CSMD1: variants seen among roughly 807,000 people sequenced by gnomAD.
CSMD1 encodes CUB and sushi domain-containing protein 1.
CSMD1 carries 213 observed loss-of-function variants against 417.5 expected under a neutral mutation model. The observed-to-expected ratio is 0.51, with a 90% CI of 0.46 to 0.57. The LOEUF is 0.57. Among genes scored for constraint, CSMD1 ranks in the 20% least tolerant of loss-of-function variants. The pLI is 0.00. For missense variants in CSMD1, 6,923 were observed against 4,529.7 expected, an observed-to-expected ratio of 1.53 and a Z score of -15.17; for synonymous variants, 2,862 against 1,736.8, an observed-to-expected ratio of 1.65 and a Z score of -16.11.
chr8:3,547,911 T>G (rs559102652), intron 10 of CSMD1, among the ~76,000 whole-genome samples: 4 of 152,308 alleles, frequency 2.6e-5, no homozygotes, highest in Admixed American at 1.3e-4. Flanking sequence ...AATTACTACA[T>G]GCACCATGCC....
chr8:3,366,462 T>G (rs1043602854), intron 20 of CSMD1, among the ~76,000 whole-genome samples: 8 of 152,332 alleles, frequency 5.3e-5, no homozygotes, highest in African/African-American at 1.9e-4. Flanking sequence ...TGCTGTAACA[T>G]AAACCTTATG....
chr8:4,855,886 A>G (rs1801770532), intron 1 of CSMD1, among the ~76,000 whole-genome samples: 1 of 150,440 alleles, frequency 6.6e-6, no homozygotes, highest in Non-Finnish European at 1.5e-5. Flanking sequence ...AAGGCAGGCC[A>G]ACGTTCAGAT....
chr8:3,667,573 A>G (rs1798763748), intron 7 of CSMD1, among the ~76,000 whole-genome samples: 1 of 152,126 alleles, frequency 6.6e-6, no homozygotes, highest in African/African-American at 2.4e-5. Context: ...AAGTCCTTGG[A>G]GACAACATAA....
chr8:4,795,427 A>G (rs1797924380), intron 1 of CSMD1, among the ~76,000 whole-genome samples: 1 of 151,592 alleles, frequency 6.6e-6, no homozygotes, highest in Non-Finnish European at 1.5e-5. Context: ...ACCCAGCACC[A>G]CGCCAGGCTA....
At chr8:4,672,230 A>G (rs1053318190) in intron 1 of CSMD1, among the ~76,000 whole-genome samples, 6 of 152,164 alleles carry the variant, frequency 3.9e-5, no homozygotes, top group Admixed American at 6.5e-5. Flanking sequence ...AGAAGGTTAT[A>G]TGTGCACAGG....
intron 10 of CSMD1, among the ~76,000 whole-genome samples, chr8:3,531,575 G>A (rs989503083): frequency 6.6e-6 from 1 of 152,178 alleles, no homozygotes; most frequent in Non-Finnish European, 1.5e-5. Flanking sequence ...TGCAGTCCAG[G>A]TTCCATCTGT....
rs60059027 is a variant in CSMD1, at chr8:4,640,833, T to G, written c.86-3275A>C. On this transcript the variant is annotated intron_variant, in intron 1 of 69. Transcript: ENST00000635120. ...GTTTTAGTTAAAATTAAGATGTTAT[T>G]TTACAGGGATTGAAACCTTAATTAT... Among the ~76,000 whole-genome samples, 202 of 148,426 alleles carry G rather than the reference T, an allele frequency of 1.4e-3. 1 individual carries two copies. The highest frequency in any genetic ancestry group is 4.6e-3 in the African/African-American group (184 of 39,864).
At chr8:3,411,671 T>TGTATATATACGTGTATATATACACAC (rs1812709086) in intron 12 of CSMD1, among the ~76,000 whole-genome samples, 1 of 88,322 alleles carries the variant, frequency 1.1e-5, no homozygotes, top group African/African-American at 4.7e-5. Context: ...TATATATACG[T>TGTATATATACGTGTATATATACACAC]GTATATATAC....
chr8:4,677,410 G>C (rs1423145651), intron 1 of CSMD1, among the ~76,000 whole-genome samples: 2 of 151,880 alleles, frequency 1.3e-5, no homozygotes, highest in African/African-American at 4.8e-5. Flanking sequence ...ATTAGAGACA[G>C]ATTCTCTCTC....
rs778927379 is a variant in CSMD1 at position 3,151,563 on chromosome 8, G to C, written c.5915-50C>G. On this transcript the variant is annotated intron_variant, in intron 39 of 69. Transcript: ENST00000635120. ...CCTGCAGGTCCTCACTTTCTCCCTG[G>C]AATCTTTGCTCCAACCTGCTTCACT... is the stretch of plus-strand genomic sequence containing the variant. The C allele has an allele frequency of 1.6e-5, 19 of 1,216,132 alleles. No individual in the cohort carries two copies. The East Asian group carries it at 4.2e-4, about 27-fold the overall frequency. The allele number at this position is 1,216,132 out of a possible 1,614,324, so 75.3% of individuals were successfully genotyped here.
intron 5 of CSMD1, among the ~76,000 whole-genome samples, chr8:3,782,520 T>C (rs1204555180): frequency 6.6e-6 from 1 of 152,044 alleles, no homozygotes; most frequent in Admixed American, 6.6e-5. Flanking sequence ...GGGGGAGGGA[T>C]AGCATGAGGA....
chr8:4,070,186 C>G (rs1194276829), intron 3 of CSMD1, among the ~76,000 whole-genome samples: 2 of 151,992 alleles, frequency 1.3e-5, no homozygotes, highest in African/African-American at 4.8e-5. Flanking sequence ...GGTGCATTTA[C>G]CAAACCTCTT....
At chr8:4,898,165 A>G (rs1482045251) in intron 1 of CSMD1, among the ~76,000 whole-genome samples, 1 of 152,134 alleles carries the variant, frequency 6.6e-6, no homozygotes, top group Non-Finnish European at 1.5e-5. Flanking sequence ...CTGATATTTG[A>G]GGGAGGAATG....
chr8:4,206,871 T>C (rs538579919), intron 3 of CSMD1, among the ~76,000 whole-genome samples: 148 of 152,326 alleles, frequency 9.7e-4, no homozygotes, highest in African/African-American at 3.4e-3. Flanking sequence ...TAATACAATA[T>C]TATTTTTCCA....
At chr8:3,655,515 G>C (rs905092000) in intron 7 of CSMD1, among the ~76,000 whole-genome samples, 1 of 152,034 alleles carries the variant, frequency 6.6e-6, no homozygotes, top group African/African-American at 2.4e-5. Context: ...GCCAGCTCAG[G>C]ACCACTGCAC....
intron 10 of CSMD1, among the ~76,000 whole-genome samples, chr8:3,543,347 G>T (rs146018879): frequency 6.6e-6 from 1 of 152,172 alleles, no homozygotes; most frequent in South Asian, 2.1e-4. Flanking sequence ...GGGATTTTGA[G>T]CAAACTAGAG....
chr8:3,246,915 T>C (rs142938350), intron 26 of CSMD1, among the ~76,000 whole-genome samples: 3 of 152,330 alleles, frequency 2.0e-5, no homozygotes, highest in Admixed American at 1.3e-4. Flanking sequence ...CTTTTTTTGC[T>C]GTAGAAAAAA....
intron 5 of CSMD1, among the ~76,000 whole-genome samples, chr8:3,808,911 G>A (rs959957893): frequency 3.9e-5 from 6 of 152,304 alleles, no homozygotes; most frequent in South Asian, 4.1e-4. Context: ...TTCTAGTCAG[G>A]CAAGCCTCAA....
intron 1 of CSMD1, among the ~76,000 whole-genome samples, chr8:4,931,019 T>C (rs985584709): frequency 2.6e-5 from 4 of 152,158 alleles, no homozygotes; most frequent in African/African-American, 4.8e-5. Context: ...ATGGGAGACA[T>C]GAGAAAAAGG....
Sources: gnomAD v4.1 joint callset for allele counts (sites outside exome capture counted in the v4.1 genomes callset) on GRCh38, gnomAD v4.1.1 for gene constraint, MANE v1.5 for transcripts, NCBI Gene and HGNC (gene_info 2026-07-23, HGNC 2026-07-21) for gene names.